Variants in GAS7 observed in about 807,000 individuals in gnomAD.
The protein encoded by GAS7 is growth arrest specific 7.
In GAS7, 28 loss-of-function variants were observed where a neutral mutation model predicts 71.1. That is an observed-to-expected ratio of 0.39 (90% CI 0.29 to 0.54). The LOEUF (loss-of-function observed/expected upper bound fraction) is 0.54, where lower values mean the gene tolerates loss of function less well. Among genes scored for constraint, GAS7 ranks in the 20% least tolerant of loss-of-function variants. The probability of loss-of-function intolerance (pLI) is 0.62; values close to 1 mark genes in which losing one functional copy is unlikely to be tolerated. For synonymous variants in GAS7, 258 were observed against 245.8 expected (o/e 1.05, Z -0.46); for missense variants, 436 against 627.8 (o/e 0.69, Z 3.27).
intron 1 of GAS7, among the ~76,000 whole-genome samples, chr17:10,160,756 T>C (rs1462244613): frequency 6.6e-6 from 1 of 152,178 alleles, no homozygotes; most frequent in East Asian, 1.9e-4. Context: ...CTAGGCTGAA[T>C]AGCAGTGGCT....
At chr17:10,068,213 C>T (rs2073302914) in intron 1 of GAS7, among the ~76,000 whole-genome samples, 1 of 152,174 alleles carries the variant, frequency 6.6e-6, no homozygotes, top group Admixed American at 6.5e-5. Flanking sequence ...TAGGCCGGCT[C>T]TTCCCAGAAG....
At chr17:10,005,050 T>TATATATATATATATATATATATACACAC (rs1296844463) in intron 2 of GAS7, among the ~76,000 whole-genome samples, 6 of 150,080 alleles carry the variant, frequency 4.0e-5, no homozygotes, top group African/African-American at 1.2e-4. Flanking sequence ...TACATATATA[T>TATATATATATATATATATATATACACAC]ACACATATAT....
intron 1 of GAS7, among the ~76,000 whole-genome samples, chr17:10,181,212 T>C (rs560902766): frequency 6.1e-5 from 9 of 146,602 alleles, no homozygotes; most frequent in African/African-American, 1.8e-4. Context: ...TACAAAAAAT[T>C]AGCTGGGCGT....
intron 1 of GAS7, among the ~76,000 whole-genome samples, chr17:10,163,000 A>T (rs2074267598): frequency 6.6e-6 from 1 of 152,214 alleles, no homozygotes; most frequent in Non-Finnish European, 1.5e-5. Flanking sequence ...AAATTTTGTT[A>T]TATGTGATTT....
At chr17:10,187,834 T>C (rs2074467183) in intron 1 of GAS7, among the ~76,000 whole-genome samples, 1 of 152,224 alleles carries the variant, frequency 6.6e-6, no homozygotes, top group Non-Finnish European at 1.5e-5. Flanking sequence ...ACTTACAGAA[T>C]GTTTGGTACA....
At chr17:10,122,178 C>A (rs1351908698) in intron 1 of GAS7, among the ~76,000 whole-genome samples, 1 of 152,212 alleles carries the variant, frequency 6.6e-6, no homozygotes, top group Admixed American at 6.5e-5. Flanking sequence ...TATCTGTGCA[C>A]ACCGGTGGTA....
chr17:10,158,336 TA>T (rs58514810), intron 1 of GAS7, among the ~76,000 whole-genome samples: 2,672 of 83,348 alleles, frequency 0.032, 63 homozygotes, highest in African/African-American at 0.1. Context: ...CTTTTTTTGG[TA>T]AAAAAAAAAA....
intron 1 of GAS7, among the ~76,000 whole-genome samples, chr17:10,101,306 C>G (rs1278228376): frequency 6.6e-6 from 1 of 152,210 alleles, no homozygotes; most frequent in Admixed American, 6.5e-5. Flanking sequence ...GCTGTTGAGG[C>G]ATTTGTTAGT....
Position 10,037,384 on chromosome 17 carries a change from G to A in GAS7, c.184-17487C>T, listed in dbSNP as rs188306823. ...CTGACTATTTAGCACTCAAAATGCC[G>A]CATATTTCTGTGTTTGCTTTCAGAT... On this transcript the variant is annotated intron_variant, in intron 1 of 13. Transcript: ENST00000432992. Among the ~76,000 whole-genome samples, 303 of 152,258 alleles carry A rather than the reference G, an allele frequency of 2.0e-3. 2 individuals are homozygous for A. Among genetic ancestry groups the A allele is most frequent in the African/African-American group, 6.8e-3 (282 of 41,538 alleles).
chr17:10,007,612 C>G (rs1597671197), intron 2 of GAS7, among the ~76,000 whole-genome samples: 3 of 103,742 alleles, frequency 2.9e-5, no homozygotes, highest in Admixed American at 2.9e-4. Context: ...GGAGACACAG[C>G]AAGATTCTGT....
intron 9 of GAS7, among the ~76,000 whole-genome samples, chr17:9,928,161 G>A (rs1047373370): frequency 6.6e-6 from 1 of 151,688 alleles, no homozygotes; most frequent in Admixed American, 6.6e-5. Context: ...CGCCCAGGCT[G>A]GAGTGCAGCG....
chr17:9,926,121 GC>G lies in GAS7; in HGVS notation c.1014+519del, dbSNP rs3214281. ...GGCCCAGGGTGTCCCAGCAGTTTGA[GC>G]CCCCTTCTCCTCTCTAAGGCACTGG... On this transcript the variant is annotated intron_variant, in intron 10 of 13. Coordinates refer to ENST00000432992, the MANE Select transcript of GAS7 (RefSeq NM_201433.2). The surrounding 1 kb of genome is among the most constrained non-coding windows in gnomAD (Gnocchi z 5.0). Among the ~76,000 whole-genome samples, 21,404 of 151,892 alleles carry G rather than the reference GC, an allele frequency of 0.14. 1,538 individuals carry two copies. Among genetic ancestry groups the G allele is most frequent in the Admixed American group, 0.17 (2,584 of 15,256 alleles).
intron 1 of GAS7, among the ~76,000 whole-genome samples, chr17:10,065,671 C>T (rs115304892): frequency 0.012 from 1,831 of 152,316 alleles, 39 homozygotes; most frequent in African/African-American, 0.042. Context: ...CGTCATTGTA[C>T]CTGCAAAGAC....
intron 2 of GAS7, among the ~76,000 whole-genome samples, chr17:9,994,611 A>G (rs1246374692): frequency 4.0e-5 from 6 of 150,580 alleles, no homozygotes; most frequent in Admixed American, 4.0e-4. Flanking sequence ...CATTCAGGAC[A>G]TAGGCATGGG....
In GAS7 at chr17:9,946,962, G is replaced by T. The variant is rs765969067; in HGVS notation, c.547C>A (p.His183Asn). ...TGCTGTTCCGGCATCGTGTCTGGGT[G>T]AGGGAACGTCACACAGTTTATCTGT... Reference protein sequence around the residue: ...TITINCVTFPHPDTMPEQQLL... With the variant: ...TITINCVTFPNPDTMPEQQLL... Residue 183 changes from histidine to asparagine, a missense_variant, in exon 6 of 14, where the codon CAC (histidine) becomes AAC (asparagine). His to Asn is a moderately conservative substitution (Grantham distance 68). Transcript: ENST00000432992. 6.2e-7 allele frequency: 1 copy of T among 1,612,286 alleles called. No individual in the cohort carries two copies. The highest frequency in any genetic ancestry group is 1.1e-5 in the South Asian group (1 of 91,032).
intron 1 of GAS7, among the ~76,000 whole-genome samples, chr17:10,188,588 C>T (rs902392421): frequency 6.6e-6 from 1 of 152,092 alleles, no homozygotes; most frequent in African/African-American, 2.4e-5. Flanking sequence ...ATTATTCAAT[C>T]ACTGGCGAGA....
chr17:9,958,940 T>C (rs1176968563), intron 5 of GAS7: 4 of 1,379,474 alleles, frequency 2.9e-6, no homozygotes, highest in Non-Finnish European at 3.8e-6. Context: ...CCTCCTGCCC[T>C]GAAAAAACGG....
chr17:9,975,513 C>T (rs761134249), intron 3 of GAS7, among the ~76,000 whole-genome samples: 1 of 149,770 alleles, frequency 6.7e-6, no homozygotes, highest in African/African-American at 2.5e-5. Context: ...ACCCATCCTC[C>T]TTCCCTCCTT....
chr17:9,988,518 GT>G (rs994843455), intron 2 of GAS7, among the ~76,000 whole-genome samples: 2 of 152,132 alleles, frequency 1.3e-5, no homozygotes, highest in Non-Finnish European at 2.9e-5. Context: ...TCCATCTCTG[GT>G]TTTTCAATGC....
Sources: gnomAD v4.1 joint callset for allele counts (sites outside exome capture counted in the v4.1 genomes callset) on GRCh38, gnomAD v4.1.1 for gene constraint, Gnocchi (gnomAD v3.1) non-coding constraint, MANE v1.5 for transcripts, NCBI Gene and HGNC (gene_info 2026-07-23, HGNC 2026-07-21) for gene names.